The following PARP8 variants were observed in gnomAD, a reference collection of about 807,000 sequenced individuals.
PARP8 encodes poly(ADP-ribose) polymerase family member 8.
A neutral mutation model predicts 124.1 loss-of-function variants in PARP8; 51 were observed. The ratio of observed to expected loss-of-function variants is 0.41; its 90% CI spans 0.33 to 0.52. The LOEUF is 0.52. Among genes scored for constraint, PARP8 ranks in the 20% least tolerant of loss-of-function variants. The probability of loss-of-function intolerance (pLI) is 0.21; values close to 1 mark genes in which losing one functional copy is unlikely to be tolerated. For synonymous variants in PARP8, 391 were observed against 361.5 expected, an observed-to-expected ratio of 1.08 and a Z score of -0.93; for missense variants, 860 against 1,018.9, an observed-to-expected ratio of 0.84 and a Z score of 2.12.
Position 50,667,157 on chromosome 5 carries a change from C to T in PARP8, c.62C>T (p.Ser21Phe). ...GATATCGACGTCGTGATCCAGAAGT[C>T]CAGAGCTGAGAAGGACTGCCTGTTT... is the stretch of plus-strand genomic sequence containing the variant. ...QKDIDVVIQK[S>F]RAEKDCLFAD... Residue 21 changes from serine to phenylalanine, a missense_variant, in exon 1 of 26, where the codon TCC becomes TTC. Transcript: ENST00000281631. 6.3e-7 allele frequency: 1 copy of T among 1,596,378 alleles called. No individual in the cohort carries two copies. Among genetic ancestry groups the T allele is most frequent in the Admixed American group, 1.7e-5 (1 of 60,010 alleles).
At chr5:50,745,061 T>G in intron 2 of PARP8, 1 of 290,048 alleles carries the variant, frequency 3.4e-6, no homozygotes, top group Non-Finnish European at 6.4e-6. Context: ...CTGATTAGGA[T>G]TTTACAGTCC....
chr5:50,727,513 C>T (rs1756548258), intron 2 of PARP8, among the ~76,000 whole-genome samples: 1 of 152,244 alleles, frequency 6.6e-6, no homozygotes, highest in South Asian at 2.1e-4. Context: ...AAGTAAAATA[C>T]TTCTGTTAAT....
intron 22 of PARP8, among the ~76,000 whole-genome samples, chr5:50,831,176 A>C (rs754131561): frequency 6.6e-6 from 1 of 152,206 alleles, no homozygotes; most frequent in African/African-American, 2.4e-5. Flanking sequence ...AAAAAAAGAA[A>C]AATTAGAAAT....
At chr5:50,824,572 G>A (rs1047315031) in intron 17 of PARP8, among the ~76,000 whole-genome samples, 5 of 150,628 alleles carry the variant, frequency 3.3e-5, no homozygotes, top group African/African-American at 1.2e-4. Flanking sequence ...TACATTTTGT[G>A]GTTTGGGAGC....
chr5:50,692,001 T>G (rs1043085378), intron 2 of PARP8, among the ~76,000 whole-genome samples: 2 of 152,308 alleles, frequency 1.3e-5, no homozygotes, highest in South Asian at 4.1e-4. Context: ...TTCCTCTACC[T>G]TAATTCCAAC....
At chr5:50,763,330 G>A in intron 7 of PARP8, 88 bp downstream of exon 7, 2 of 1,025,536 alleles carry the variant, frequency 2.0e-6, no homozygotes, top group East Asian at 5.1e-5. Flanking sequence ...GAAAAATTTG[G>A]GGTTTTAATT....
chr5:50,784,397 A>T (rs1387075305), intron 9 of PARP8, among the ~76,000 whole-genome samples: 2 of 152,144 alleles, frequency 1.3e-5, no homozygotes, highest in African/African-American at 4.8e-5. Context: ...TTTTATGATA[A>T]TGTATATTTT....
intron 2 of PARP8, among the ~76,000 whole-genome samples, chr5:50,674,755 T>G (rs1193380678): frequency 2.0e-5 from 3 of 152,236 alleles, no homozygotes; most frequent in Non-Finnish European, 4.4e-5. Context: ...TGTGTAAAGT[T>G]TATTGATTGA....
chr5:50,774,967 C>T (rs555226941), intron 7 of PARP8, among the ~76,000 whole-genome samples: 30 of 146,896 alleles, frequency 2.0e-4, no homozygotes, highest in Admixed American at 1.7e-3. Flanking sequence ...ACGGGGCGGC[C>T]GGCCAGAGGC....
intron 7 of PARP8, among the ~76,000 whole-genome samples, chr5:50,766,718 G>A (rs942843207): frequency 2.0e-5 from 3 of 152,006 alleles, no homozygotes; most frequent in South Asian, 2.1e-4. Flanking sequence ...TGACTATTTC[G>A]ATCACTTTTT....
intron 2 of PARP8, among the ~76,000 whole-genome samples, chr5:50,691,912 C>T (rs200277627): frequency 2.6e-5 from 4 of 152,120 alleles, no homozygotes; most frequent in East Asian, 1.9e-4. Flanking sequence ...TTAATGACCA[C>T]GTTCTTAATG....
At chr5:50,810,444 A>T (rs1441711366) in intron 14 of PARP8, among the ~76,000 whole-genome samples, 1 of 152,068 alleles carries the variant, frequency 6.6e-6, no homozygotes, top group Non-Finnish European at 1.5e-5. Flanking sequence ...TTTTGAATTG[A>T]TGCTAGCACA....
At chr5:50,753,571 C>T in intron 3 of PARP8, among the ~76,000 whole-genome samples, 1 of 151,952 alleles carries the variant, frequency 6.6e-6, no homozygotes, top group East Asian at 1.9e-4. Context: ...TGGATTCAGG[C>T]AGATTCAAGT....
At chr5:50,705,817 A>G (rs1478013583) in intron 2 of PARP8, among the ~76,000 whole-genome samples, 1 of 151,690 alleles carries the variant, frequency 6.6e-6, no homozygotes, top group Non-Finnish European at 1.5e-5. Flanking sequence ...CTGGGCTAGG[A>G]CTTGACTTTC....
intron 2 of PARP8, among the ~76,000 whole-genome samples, chr5:50,692,290 T>C (rs1186841686): frequency 6.6e-6 from 1 of 152,024 alleles, no homozygotes; most frequent in Non-Finnish European, 1.5e-5. Context: ...TATCATATTA[T>C]TTATAATTTT....
chr5:50,685,102 AGT>A (rs1250861947), intron 2 of PARP8, among the ~76,000 whole-genome samples: 5 of 152,236 alleles, frequency 3.3e-5, no homozygotes, highest in Admixed American at 2.6e-4. Context: ...TTGATTAGAG[AGT>A]GGTGATAAGT....
intron 9 of PARP8, 88 bp downstream of exon 9, chr5:50,778,738 T>C (rs922327892): frequency 1.4e-6 from 1 of 700,574 alleles, no homozygotes; most frequent in Non-Finnish European, 2.2e-6. Flanking sequence ...TTGTCAGTTC[T>C]GAGCAAAAGT....
At chr5:50,799,159 A>G (rs1742905090) in intron 14 of PARP8, among the ~76,000 whole-genome samples, 1 of 152,184 alleles carries the variant, frequency 6.6e-6, no homozygotes, top group South Asian at 2.1e-4. Flanking sequence ...TCAAAGTCAC[A>G]CAGTGCACTT....
Position 50,797,148 on chromosome 5 carries a change from T to C in PARP8, c.1490T>C (p.Phe497Ser). The C allele has an allele frequency of 6.2e-7, 1 of 1,613,342 alleles. No homozygotes were observed. The highest frequency in any genetic ancestry group is 2.2e-5 in the East Asian group (1 of 44,836). Reference sequence around the variant, plus strand: ...TACTGTTTTATTCAGACAATTGAGTTTGCTGAACAGCGGATCCCTGTATTA... The same window carrying C: ...TACTGTTTTATTCAGACAATTGAGTCTGCTGAACAGCGGATCCCTGTATTA... ...DRGFLVQTIE[F>S]AEQRIPVLNE... Residue 497 changes from phenylalanine (F) to serine (S), a missense_variant, in exon 14 of 26, where the codon TTT (phenylalanine) becomes TCT (serine). Phe to Ser is a radical substitution (Grantham distance 155). Around this residue, in one of 2 missense-constraint regions of PARP8, gnomAD observed 343 missense variants for 474.7 expected, o/e 0.72. Transcript: ENST00000281631.
Sources: gnomAD v4.1 joint callset for allele counts (sites outside exome capture counted in the v4.1 genomes callset) on GRCh38, gnomAD v4.1.1 for gene constraint, gnomAD v4.1.1 regional missense constraint, MANE v1.5 for transcripts, NCBI Gene and HGNC (gene_info 2026-07-23, HGNC 2026-07-21) for gene names.